Variants in MMP26 observed in about 807,000 individuals in gnomAD.
MMP26 encodes the protein matrix metallopeptidase 26.
In MMP26, 33 loss-of-function variants were observed where a neutral mutation model predicts 31.0. That is an observed-to-expected ratio of 1.06 (90% confidence interval 0.81 to 1.42). The LOEUF is 1.42. Ranked by LOEUF, MMP26 falls within the 40% of genes most tolerant of loss-of-function variation. MMP26 has a pLI of 0.00. For synonymous variants in MMP26, 122 were observed against 114.9 expected (o/e 1.06, Z -0.40); for missense variants, 347 against 316.1 (o/e 1.10, Z -0.74).
At chr11:4,885,509 G>T (rs1850534945) in intron 2 of MMP26, among the ~76,000 whole-genome samples, 1 of 152,064 alleles carries the variant, frequency 6.6e-6, no homozygotes, top group Non-Finnish European at 1.5e-5. Flanking sequence ...ATTTAGTACA[G>T]TAAAATGCTG....
intron 1 of MMP26, among the ~76,000 whole-genome samples, chr11:4,756,411 T>C (rs1848504588): frequency 6.6e-6 from 1 of 151,920 alleles, no homozygotes; most frequent in Admixed American, 6.6e-5. Context: ...GTATTGAGGA[T>C]GAAAGGGCTC....
intron 2 of MMP26, among the ~76,000 whole-genome samples, chr11:4,956,362 T>C (rs568496385): frequency 5.3e-5 from 8 of 152,160 alleles, no homozygotes; most frequent in Non-Finnish European, 8.8e-5. Flanking sequence ...TTTCTGAAAA[T>C]TGGAATAAAC....
intron 2 of MMP26, among the ~76,000 whole-genome samples, chr11:4,873,191 T>C (rs934598053): frequency 1.3e-5 from 2 of 152,112 alleles, no homozygotes; most frequent in African/African-American, 4.8e-5. Flanking sequence ...TTACTATCCT[T>C]GTCCCAAATT....
chr11:4,874,583 T>TGTGTGTGC (rs1850355077), intron 2 of MMP26, among the ~76,000 whole-genome samples: 1 of 151,854 alleles, frequency 6.6e-6, no homozygotes. Context: ...TGTGTGTGTG[T>TGTGTGTGC]GTGTGCATTC....
intron 2 of MMP26, among the ~76,000 whole-genome samples, chr11:4,939,440 T>C (rs927738461): frequency 1.3e-5 from 2 of 152,160 alleles, no homozygotes; most frequent in Non-Finnish European, 1.5e-5. Flanking sequence ...TCTTAATATC[T>C]CAGAACACAG....
At chr11:4,926,734 A>G (rs74052622) in intron 2 of MMP26, among the ~76,000 whole-genome samples, 199 of 152,276 alleles carry the variant, frequency 1.3e-3, no homozygotes, top group African/African-American at 4.4e-3. Flanking sequence ...TATTTTGGAT[A>G]TGGGTAAGAG....
chr11:4,855,407 G>A (rs771622673), intron 2 of MMP26, among the ~76,000 whole-genome samples: 4 of 152,292 alleles, frequency 2.6e-5, no homozygotes, highest in East Asian at 1.9e-4. Flanking sequence ...ACCATGGCAC[G>A]AGAACTACGT....
intron 1 of MMP26, among the ~76,000 whole-genome samples, chr11:4,714,469 TATCCTC>T (rs1198467989): frequency 1.3e-5 from 2 of 152,166 alleles, no homozygotes; most frequent in African/African-American, 4.8e-5. Context: ...CTGCCATTCT[TATCCTC>T]ATCCTCATCT....
intron 2 of MMP26, among the ~76,000 whole-genome samples, chr11:4,880,033 TCCCAG>T (rs1850436533): frequency 6.6e-6 from 1 of 152,068 alleles, no homozygotes. Context: ...AGGGCTCTTC[TCCCAG>T]CCCTTGATGG....
At chr11:4,759,219 G>A (rs1848543007) in intron 1 of MMP26, among the ~76,000 whole-genome samples, 1 of 150,986 alleles carries the variant, frequency 6.6e-6, no homozygotes, top group South Asian at 2.1e-4. Flanking sequence ...CAGTCTCACA[G>A]TCAGCCAAAG....
At chr11:4,822,250 A>C (rs780305378) in intron 2 of MMP26, 2 of 1,570,958 alleles carry the variant, frequency 1.3e-6, no homozygotes, top group Non-Finnish European at 1.7e-6. Flanking sequence ...TGTCCACATC[A>C]TCATGGCCAA....
At chr11:4,808,359 C>T (rs1365074197) in intron 2 of MMP26, among the ~76,000 whole-genome samples, 1 of 152,062 alleles carries the variant, frequency 6.6e-6, no homozygotes, top group African/African-American at 2.4e-5. Context: ...AGGGGGTGTG[C>T]ACAACTGCAT....
At chr11:4,903,085 A>T (rs1850827369) in intron 2 of MMP26, among the ~76,000 whole-genome samples, 1 of 152,106 alleles carries the variant, frequency 6.6e-6, no homozygotes, top group Non-Finnish European at 1.5e-5. Flanking sequence ...AATTGTCTTC[A>T]CATTTTTATA....
At chr11:4,727,268 T>C (rs1169472058) in intron 1 of MMP26, among the ~76,000 whole-genome samples, 1 of 152,196 alleles carries the variant, frequency 6.6e-6, no homozygotes, top group African/African-American at 2.4e-5. Flanking sequence ...TTAGTTACGT[T>C]ATAAAAGACA....
At chr11:4,943,289 C>G (rs1846243068) in intron 2 of MMP26, 1 of 290,508 alleles carries the variant, frequency 3.4e-6, no homozygotes, top group South Asian at 3.2e-5. Context: ...TCTTTGTACA[C>G]TTTCATGTGT....
At chr11:4,802,161 A>T (rs566845512) in intron 2 of MMP26, among the ~76,000 whole-genome samples, 1 of 152,332 alleles carries the variant, frequency 6.6e-6, no homozygotes, top group South Asian at 2.1e-4. Flanking sequence ...TGATAGAGTA[A>T]TACAGCTTAA....
chr11:4,864,182 A>G (rs757179511), intron 2 of MMP26, among the ~76,000 whole-genome samples: 6 of 152,178 alleles, frequency 3.9e-5, no homozygotes, highest in Admixed American at 1.3e-4. Flanking sequence ...AAGATCTTTG[A>G]ATTAGCTGAA....
intron 2 of MMP26, among the ~76,000 whole-genome samples, chr11:4,813,480 G>A (rs1191346366): frequency 6.6e-6 from 1 of 151,930 alleles, no homozygotes; most frequent in Non-Finnish European, 1.5e-5. Context: ...CACCGCCTTG[G>A]CTTCCCAAAG....
intron 1 of MMP26, among the ~76,000 whole-genome samples, chr11:4,714,154 G>A (rs1181658317): frequency 6.6e-6 from 1 of 152,136 alleles, no homozygotes; most frequent in East Asian, 1.9e-4. Context: ...CTGCATTTAC[G>A]AAAAACATTA....
Sources: allele counts gnomAD v4.1 joint callset (sites outside exome capture counted in the v4.1 genomes callset), GRCh38; gene constraint gnomAD v4.1.1; transcripts MANE v1.5; gene names NCBI Gene and HGNC (gene_info 2026-07-23, HGNC 2026-07-21).